The following BMAL1 variants were observed in gnomAD, a reference collection of about 807,000 sequenced individuals.
The protein encoded by BMAL1 is basic helix-loop-helix ARNT like 1, also known as basic helix-loop-helix ARNT-like protein 1.
chr11:13,378,355 A>AC, the BMAL1 span: 1 of 1,611,878 alleles, frequency 6.2e-7, no homozygotes. Flanking sequence ...AAGAGGACCC[A>AC]CCCCACTGTT....
At chr11:13,285,725 A>G in the BMAL1 span, among the ~76,000 whole-genome samples, 2 of 152,184 alleles carry the variant, frequency 1.3e-5, no homozygotes, top group African/African-American at 4.8e-5. Flanking sequence ...TTTAACCCTG[A>G]GCCCAGTGTT....
At chr11:13,327,370 A>G in the BMAL1 span, among the ~76,000 whole-genome samples, 1 of 152,294 alleles carries the variant, frequency 6.6e-6, no homozygotes, top group Non-Finnish European at 1.5e-5. Context: ...TGTTATCATC[A>G]TCATCATCCC....
At chr11:13,386,513 A>G in the BMAL1 span, 9 of 1,339,174 alleles carry the variant, frequency 6.7e-6, no homozygotes, top group Middle Eastern at 5.2e-4. Flanking sequence ...CTTTCTTATT[A>G]AAAATGTGCT....
At chr11:13,317,441 T>C in the BMAL1 span, among the ~76,000 whole-genome samples, 1 of 152,210 alleles carries the variant, frequency 6.6e-6, no homozygotes, top group Non-Finnish European at 1.5e-5. Flanking sequence ...TGACCCACAT[T>C]GGTGACCCTG....
chr11:13,298,458 T>C, the BMAL1 span, among the ~76,000 whole-genome samples: 1 of 152,366 alleles, frequency 6.6e-6, no homozygotes, highest in Non-Finnish European at 1.5e-5. Context: ...TGCTCTTTAT[T>C]TTTCCTCCTA....
chr11:13,314,381 T>C, the BMAL1 span, among the ~76,000 whole-genome samples: 1 of 152,092 alleles, frequency 6.6e-6, no homozygotes, highest in East Asian at 1.9e-4. Flanking sequence ...AACAGATTCA[T>C]AATGTGATAA....
the BMAL1 span, among the ~76,000 whole-genome samples, chr11:13,330,750 A>G: frequency 6.6e-6 from 1 of 152,246 alleles, no homozygotes; most frequent in Non-Finnish European, 1.5e-5. Context: ...TTAGCTGCAC[A>G]AACATCCATC....
the BMAL1 span, among the ~76,000 whole-genome samples, chr11:13,299,569 A>G: frequency 6.6e-6 from 1 of 152,082 alleles, no homozygotes; most frequent in Non-Finnish European, 1.5e-5. Context: ...GGCCTCTTGT[A>G]TTTGGCAGGA....
At chr11:13,368,913 A>C in the BMAL1 span, among the ~76,000 whole-genome samples, 1 of 152,260 alleles carries the variant, frequency 6.6e-6, no homozygotes, top group Non-Finnish European at 1.5e-5. Context: ...ATAATTATAA[A>C]CAACTAATAA....
chr11:13,369,804 G>A, the BMAL1 span: 6 of 1,593,456 alleles, frequency 3.8e-6, no homozygotes, highest in South Asian at 4.6e-5. Flanking sequence ...CCTGTGACAG[G>A]TGAAGCATGC....
chr11:13,340,719 T>C, the BMAL1 span, among the ~76,000 whole-genome samples: 1 of 152,164 alleles, frequency 6.6e-6, no homozygotes, highest in Non-Finnish European at 1.5e-5. Context: ...TTGCCACCCC[T>C]GCTCTCACCA....
chr11:13,381,242 A>G, the BMAL1 span: 2 of 1,614,080 alleles, frequency 1.2e-6, no homozygotes, highest in South Asian at 1.1e-5. Context: ...CCTCTTCTCC[A>G]GGAGGCAAGA....
the BMAL1 span, among the ~76,000 whole-genome samples, chr11:13,290,056 CTTTT>C: frequency 6.6e-6 from 1 of 152,180 alleles, no homozygotes; most frequent in Admixed American, 6.5e-5. Context: ...TGTTTCCTGA[CTTTT>C]TAATGATCAC....
chr11:13,364,472 C>A, the BMAL1 span, among the ~76,000 whole-genome samples: 6 of 152,348 alleles, frequency 3.9e-5, no homozygotes, highest in African/African-American at 1.4e-4. Context: ...AGAACAGTTT[C>A]TCTGTATTTT....
chr11:13,379,960 A>C, the BMAL1 span: 4 of 152,360 alleles, frequency 2.6e-5, no homozygotes, highest in African/African-American at 9.6e-5. Context: ...TGGAAGTTGC[A>C]TTGGAATAGG....
the BMAL1 span, among the ~76,000 whole-genome samples, chr11:13,361,535 G>A: frequency 6.6e-6 from 1 of 152,152 alleles, no homozygotes. Context: ...CTGGAATTTT[G>A]CATCATCACT....
the BMAL1 span, among the ~76,000 whole-genome samples, chr11:13,317,487 A>G: frequency 6.6e-6 from 1 of 152,212 alleles, no homozygotes; most frequent in African/African-American, 2.4e-5. Context: ...GGCAAAGAAG[A>G]GCCATTATTT....
the BMAL1 span, chr11:13,354,206 C>CCCCCCCA: frequency 1.1e-6 from 1 of 880,510 alleles, no homozygotes; most frequent in Non-Finnish European, 1.6e-6. Flanking sequence ...CCCGGCCCCC[C>CCCCCCCA]ACCACCAAAC....
At chr11:13,307,192 A>C in the BMAL1 span, among the ~76,000 whole-genome samples, 3 of 152,246 alleles carry the variant, frequency 2.0e-5, no homozygotes, top group Non-Finnish European at 4.4e-5. Context: ...GGCTTACTGT[A>C]ATAGATTTTG....
Sources: allele counts gnomAD v4.1 joint callset (sites outside exome capture counted in the v4.1 genomes callset), GRCh38; gene constraint gnomAD v4.1.1; transcripts MANE v1.5; gene names NCBI Gene and HGNC (gene_info 2026-07-23, HGNC 2026-07-21).